ARB2A: variants seen among roughly 807,000 people sequenced by gnomAD.
ARB2A encodes the protein ARB2 cotranscriptional regulator A, also known as cotranscriptional regulator ARB2A.
the ARB2A span, among the ~76,000 whole-genome samples, chr5:93,974,523 G>T: frequency 6.6e-6 from 1 of 151,940 alleles, no homozygotes; most frequent in East Asian, 1.9e-4. Flanking sequence ...CCCCACAAAA[G>T]CTATTAAACA....
chr5:93,902,100 T>C, the ARB2A span, among the ~76,000 whole-genome samples: 1 of 152,130 alleles, frequency 6.6e-6, no homozygotes, highest in Non-Finnish European at 1.5e-5. Context: ...GAGTCATGTA[T>C]ATATTATCAT....
At chr5:93,648,370 A>G in the ARB2A span, among the ~76,000 whole-genome samples, 22 of 152,302 alleles carry the variant, frequency 1.4e-4, no homozygotes, top group African/African-American at 4.8e-4. Flanking sequence ...CTAAGTTTAC[A>G]TATCTACCAC....
the ARB2A span, among the ~76,000 whole-genome samples, chr5:93,774,645 A>G: frequency 6.6e-6 from 1 of 152,164 alleles, no homozygotes; most frequent in Non-Finnish European, 1.5e-5. Context: ...ACTGTTTACA[A>G]TAGCCCCCAA....
the ARB2A span, among the ~76,000 whole-genome samples, chr5:93,845,162 A>C: frequency 3.3e-5 from 5 of 152,330 alleles, no homozygotes; most frequent in South Asian, 1.0e-3. Flanking sequence ...ATCTTAAGTC[A>C]GATCATGATC....
chr5:93,957,742 T>C, the ARB2A span, among the ~76,000 whole-genome samples: 1 of 152,058 alleles, frequency 6.6e-6, no homozygotes, highest in Non-Finnish European at 1.5e-5. Flanking sequence ...TGAGCCTTCA[T>C]TTCTCATTTC....
chr5:93,743,727 C>T, the ARB2A span, among the ~76,000 whole-genome samples: 2 of 147,186 alleles, frequency 1.4e-5, no homozygotes, highest in East Asian at 2.0e-4. Flanking sequence ...AGTGCAGTGG[C>T]GTGATCTCGG....
At chr5:94,010,141 A>G in the ARB2A span, among the ~76,000 whole-genome samples, 2 of 152,086 alleles carry the variant, frequency 1.3e-5, no homozygotes, top group African/African-American at 4.8e-5. Context: ...AGGTTAGGTC[A>G]CCAATCTTAA....
At chr5:94,099,481 G>A in the ARB2A span, among the ~76,000 whole-genome samples, 31 of 151,558 alleles carry the variant, frequency 2.0e-4, no homozygotes, top group South Asian at 2.1e-4. Flanking sequence ...AAAATTAGCC[G>A]GGCATGGTGG....
the ARB2A span, among the ~76,000 whole-genome samples, chr5:93,934,861 C>T: frequency 6.6e-6 from 1 of 152,076 alleles, no homozygotes. Flanking sequence ...ATAAATGGTC[C>T]TTCCTTACTG....
the ARB2A span, among the ~76,000 whole-genome samples, chr5:93,976,449 T>C: frequency 1.3e-5 from 2 of 152,176 alleles, no homozygotes; most frequent in South Asian, 4.1e-4. Context: ...ATATGGTTTG[T>C]TTGGCTCTCT....
At chr5:94,066,412 G>T in the ARB2A span, among the ~76,000 whole-genome samples, 1 of 144,512 alleles carries the variant, frequency 6.9e-6, no homozygotes, top group Non-Finnish European at 1.5e-5. Context: ...TAAACAGCTT[G>T]CCAGACTAAG....
the ARB2A span, among the ~76,000 whole-genome samples, chr5:93,824,709 C>T: frequency 6.6e-5 from 10 of 152,124 alleles, no homozygotes; most frequent in East Asian, 1.9e-4. Flanking sequence ...AGGACTGCAA[C>T]GTGGATGCCT....
At chr5:93,903,348 T>C in the ARB2A span, among the ~76,000 whole-genome samples, 1 of 152,042 alleles carries the variant, frequency 6.6e-6, no homozygotes, top group South Asian at 2.1e-4. Context: ...AAACTCTCTT[T>C]TAATATTTTC....
the ARB2A span, among the ~76,000 whole-genome samples, chr5:93,824,437 A>G: frequency 2.0e-5 from 3 of 152,190 alleles, no homozygotes; most frequent in Non-Finnish European, 4.4e-5. Context: ...ATTAGAGAAT[A>G]TGAGAGGACT....
the ARB2A span, among the ~76,000 whole-genome samples, chr5:93,944,426 T>A: frequency 6.6e-6 from 1 of 151,830 alleles, no homozygotes; most frequent in South Asian, 2.1e-4. Flanking sequence ...TAGGACCCCA[T>A]CTCGCCAAAA....
At chr5:93,879,118 T>C in the ARB2A span, among the ~76,000 whole-genome samples, 15 of 152,034 alleles carry the variant, frequency 9.9e-5, no homozygotes, top group Non-Finnish European at 1.3e-4. Context: ...TTACAAACAC[T>C]TGGTATTGGG....
the ARB2A span, among the ~76,000 whole-genome samples, chr5:93,673,224 G>C: frequency 6.6e-6 from 1 of 152,172 alleles, no homozygotes; most frequent in Non-Finnish European, 1.5e-5. Context: ...TTTTTAAGCA[G>C]CACTGCTTAC....
the ARB2A span, among the ~76,000 whole-genome samples, chr5:93,637,870 C>T: frequency 6.6e-6 from 1 of 152,166 alleles, no homozygotes; most frequent in African/African-American, 2.4e-5. Context: ...GAATGGCTTC[C>T]TTTATTTCGA....
the ARB2A span, among the ~76,000 whole-genome samples, chr5:93,787,274 C>T: frequency 6.6e-6 from 1 of 152,088 alleles, no homozygotes; most frequent in Non-Finnish European, 1.5e-5. Context: ...GGTCAACATC[C>T]ATACCATTTT....
Sources: allele counts gnomAD v4.1 joint callset (sites outside exome capture counted in the v4.1 genomes callset), GRCh38; gene constraint gnomAD v4.1.1; transcripts MANE v1.5; gene names NCBI Gene and HGNC (gene_info 2026-07-23, HGNC 2026-07-21).